TIPARP: variants seen among roughly 807,000 people sequenced by gnomAD.
TIPARP encodes the protein protein mono-ADP-ribosyltransferase TIPARP.
A neutral mutation model predicts 56.5 loss-of-function variants in TIPARP; 12 were observed. The ratio of observed to expected loss-of-function variants is 0.21; its 90% CI spans 0.14 to 0.34. TIPARP has a LOEUF of 0.34. Among genes scored for constraint, TIPARP ranks in the 10% least tolerant of loss-of-function variants. The pLI, the probability that TIPARP is intolerant of heterozygous loss-of-function variation, is 1.00. For missense variants in TIPARP, 604 were observed against 781.6 expected, an observed-to-expected ratio of 0.77 and a Z score of 2.71; for synonymous variants, 296 against 265.7, an observed-to-expected ratio of 1.11 and a Z score of -1.11.
chr3:156,703,994 C>A (rs1722915843), intron 5 of TIPARP, among the ~76,000 whole-genome samples: 1 of 119,392 alleles, frequency 8.4e-6, no homozygotes, highest in Admixed American at 1.1e-4. Flanking sequence ...GCCTGGGCGA[C>A]AGAGCCAGAC....
intron 2 of TIPARP, among the ~76,000 whole-genome samples, chr3:156,680,737 T>C (rs913774454): frequency 6.6e-6 from 1 of 152,336 alleles, no homozygotes; most frequent in South Asian, 2.1e-4. Flanking sequence ...ATTGTTTTGC[T>C]TAAGAATAGA....
Position 156,692,163 on chromosome 3 carries a change from C to T in TIPARP, c.918-1857C>T, listed in dbSNP as rs145250504. ...CTCATAATTGGGAACAGTTGCTGGG[C>T]GATAAGCTTAAAGGGGGAAAAATAT... On this transcript the variant is annotated intron_variant, in intron 2 of 5. Transcript: ENST00000295924. Among the ~76,000 whole-genome samples, 356 of 152,074 alleles carry T rather than the reference C, an allele frequency of 2.3e-3. 1 individual carries two copies. Among genetic ancestry groups the T allele is most frequent in the African/African-American group, 8.1e-3 (335 of 41,490 alleles).
chr3:156,676,930 C>T (rs898987977), intron 1 of TIPARP, among the ~76,000 whole-genome samples: 1 of 152,124 alleles, frequency 6.6e-6, no homozygotes, highest in Non-Finnish European at 1.5e-5. Flanking sequence ...TGTCTTCTGA[C>T]ACATCGTGCA....
intron 4 of TIPARP, among the ~76,000 whole-genome samples, chr3:156,697,402 G>A (rs1282267962): frequency 7.0e-6 from 1 of 143,670 alleles, no homozygotes; most frequent in Non-Finnish European, 1.5e-5. Context: ...CTCATGATAA[G>A]TAATTATGGA....
intron 2 of TIPARP, among the ~76,000 whole-genome samples, chr3:156,680,364 A>G (rs940084408): frequency 6.6e-6 from 1 of 152,156 alleles, no homozygotes; most frequent in South Asian, 2.1e-4. Context: ...TCTTTTTAAT[A>G]AGGTATTTTC....
rs760239895 is a variant in TIPARP at position 156,704,637 on chromosome 3, G to A, written c.1527-47G>A. 22 of 1,557,914 alleles carry A rather than the reference G, an allele frequency of 1.4e-5. No homozygotes were observed. The East Asian group carries it at 4.7e-4, about 33-fold the overall frequency. ...ATGACTACATCATGCCTGTTAAATT[G>A]ACCTGTATTTCATCCTTCTGAATTC... On this transcript the variant is annotated intron_variant, in intron 5 of 5. Coordinates refer to ENST00000295924, the MANE Select transcript of TIPARP (RefSeq NM_015508.5).
At chr3:156,688,427 G>T (rs895503820) in intron 2 of TIPARP, among the ~76,000 whole-genome samples, 1 of 147,318 alleles carries the variant, frequency 6.8e-6, no homozygotes, top group Admixed American at 6.8e-5. Context: ...AATCTCTGGT[G>T]AGTATTAAAA....
At chr3:156,684,380 T>C (rs1313651988) in intron 2 of TIPARP, among the ~76,000 whole-genome samples, 2 of 152,226 alleles carry the variant, frequency 1.3e-5, no homozygotes, top group African/African-American at 2.4e-5. Flanking sequence ...ACAGAAACTG[T>C]ACAAGGAATA....
chr3:156,695,993 C>A lies in TIPARP; in HGVS notation c.1215C>A (p.Phe405Leu), dbSNP rs770336627. ...GAGAGATAAAAAGGAGACCCCTCTT[C>A]CGCTCCTGTTTTATACTGCTTCCAT... is the stretch of plus-strand genomic sequence containing the variant. ...FRREIKRRPL[F>L]RSCFILLPYL... is the part of the protein sequence containing the mutation. Residue 405 changes from phenylalanine to leucine, a missense_variant, in exon 4 of 6, where the codon TTC (phenylalanine) becomes TTA (leucine). Transcript: ENST00000295924. 6.2e-7 allele frequency: 1 copy of A among 1,611,220 alleles called. No individual in the cohort carries two copies. Among genetic ancestry groups the A allele is most frequent in the Non-Finnish European group, 8.5e-7 (1 of 1,179,100 alleles).
Position 156,704,772 on chromosome 3 carries a change from G to A in TIPARP, c.1615G>A (p.Val539Ile). ...HLFHGTSQDV[V>I]DGICKHNFDP... ...ATTTCATGGAACATCCCAGGATGTG[G>A]TAGATGGAATCTGCAAACACAACTT... Residue 539 changes from valine (V) to isoleucine (I), a missense_variant, in exon 6 of 6, where the codon GTA becomes ATA. Physicochemically the swap from Val to Ile is conservative, Grantham distance 29 (BLOSUM62 3). This residue lies in a region of TIPARP where 77 missense variants were observed against 161.0 expected (regional missense o/e 0.48). Transcript: ENST00000295924. The A allele has an allele frequency of 6.2e-7, 1 of 1,614,214 alleles. No individual in the cohort carries two copies. Among genetic ancestry groups the A allele is most frequent in the East Asian group, 2.2e-5 (1 of 44,888 alleles).
At chr3:156,681,143 A>T (rs1366613746) in intron 2 of TIPARP, 1 of 456,670 alleles carries the variant, frequency 2.2e-6, no homozygotes, top group Admixed American at 2.3e-5. Context: ...AGATAACGGC[A>T]TGTTGAGCCT....
intron 2 of TIPARP, among the ~76,000 whole-genome samples, chr3:156,689,356 C>A (rs577723039): frequency 6.6e-6 from 1 of 152,248 alleles, no homozygotes; most frequent in South Asian, 2.1e-4. Flanking sequence ...CAGCTCATTC[C>A]TACATTGCCT....
intron 2 of TIPARP, among the ~76,000 whole-genome samples, chr3:156,691,706 G>C (rs1472463874): frequency 1.3e-5 from 2 of 152,124 alleles, no homozygotes; most frequent in Non-Finnish European, 1.5e-5. Context: ...CCCTGTTTAA[G>C]GGAGAGCAGG....
At chr3:156,688,564 T>A (rs1722491488) in intron 2 of TIPARP, among the ~76,000 whole-genome samples, 1 of 148,730 alleles carries the variant, frequency 6.7e-6, no homozygotes, top group African/African-American at 2.5e-5. Context: ...GAATAAACAA[T>A]AGTTTTGCTT....
chr3:156,681,082 T>C (rs1197418761), intron 2 of TIPARP: 1 of 452,872 alleles, frequency 2.2e-6, no homozygotes, highest in African/African-American at 2.0e-5. Flanking sequence ...CATTGCAACC[T>C]GGTTTTCCTT....
At chr3:156,704,662 C>A (rs770146016) in intron 5 of TIPARP, 22 bp from the exon 6 acceptor site, 5 of 1,594,266 alleles carry the variant, frequency 3.1e-6, no homozygotes, top group Non-Finnish European at 4.3e-6. Context: ...CTTCTGAATT[C>A]TCTGTCTGTT....
At chr3:156,698,106 C>G (rs1040709145) in intron 4 of TIPARP, among the ~76,000 whole-genome samples, 1 of 152,194 alleles carries the variant, frequency 6.6e-6, no homozygotes, top group Non-Finnish European at 1.5e-5. Context: ...AAAGCCTAAT[C>G]CGGAGCAAGG....
chr3:156,678,784 A>G (rs573552413), intron 2 of TIPARP, among the ~76,000 whole-genome samples, 170 bp downstream of exon 2: 6 of 151,118 alleles, frequency 4.0e-5, no homozygotes, highest in African/African-American at 1.2e-4. Context: ...AATGCAGGCT[A>G]TTAACTCAAC....
chr3:156,682,945 TGAAATAAAACTAATTG>T (rs1234430559), intron 2 of TIPARP, among the ~76,000 whole-genome samples: 1 of 152,214 alleles, frequency 6.6e-6, no homozygotes, highest in Non-Finnish European at 1.5e-5. Context: ...TATTTACATA[TGAAATAAAACTAATTG>T]GCTTCTGTCT....
Sources: gnomAD v4.1 joint callset for allele counts (sites outside exome capture counted in the v4.1 genomes callset) on GRCh38, gnomAD v4.1.1 for gene constraint, gnomAD v4.1.1 regional missense constraint, MANE v1.5 for transcripts, NCBI Gene and HGNC (gene_info 2026-07-23, HGNC 2026-07-21) for gene names.